BMAL2: variants seen among roughly 807,000 people sequenced by gnomAD.
The protein encoded by BMAL2 is basic helix-loop-helix ARNT like 2, also known as basic helix-loop-helix ARNT-like protein 2.
chr12:27,381,806 A>G, the BMAL2 span, among the ~76,000 whole-genome samples: 4 of 152,214 alleles, frequency 2.6e-5, no homozygotes, highest in Non-Finnish European at 4.4e-5. Context: ...CCAAGCAGCA[A>G]GCTGAAGACT....
the BMAL2 span, among the ~76,000 whole-genome samples, chr12:27,372,438 G>A: frequency 1.3e-5 from 2 of 152,056 alleles, no homozygotes; most frequent in African/African-American, 4.8e-5. Context: ...CCACTTTTTG[G>A]CTATTGTGAG....
the BMAL2 span, among the ~76,000 whole-genome samples, chr12:27,407,897 A>G: frequency 6.6e-6 from 1 of 152,204 alleles, no homozygotes; most frequent in South Asian, 2.1e-4. Flanking sequence ...TGCAATAAAA[A>G]ATGATAAAAG....
the BMAL2 span, among the ~76,000 whole-genome samples, chr12:27,411,393 G>A: frequency 1.3e-5 from 2 of 151,976 alleles, no homozygotes; most frequent in Non-Finnish European, 2.9e-5. Context: ...CAAGGTAGAG[G>A]ATCACTTGAG....
At chr12:27,350,882 G>A in the BMAL2 span, among the ~76,000 whole-genome samples, 4 of 151,884 alleles carry the variant, frequency 2.6e-5, no homozygotes, top group African/African-American at 9.7e-5. Context: ...AGTTCACTGT[G>A]TTGGCCAGGC....
chr12:27,411,429 C>T, the BMAL2 span, among the ~76,000 whole-genome samples: 1 of 151,424 alleles, frequency 6.6e-6, no homozygotes, highest in Non-Finnish European at 1.5e-5. Flanking sequence ...CCATCCTGGG[C>T]AACATATCGA....
chr12:27,389,988 T>G, the BMAL2 span: 3 of 1,365,054 alleles, frequency 2.2e-6, no homozygotes, highest in Non-Finnish European at 3.0e-6. Flanking sequence ...TTTAAAAAAC[T>G]GTTTCCTTTC....
At chr12:27,372,446 G>A in the BMAL2 span, among the ~76,000 whole-genome samples, 1 of 152,102 alleles carries the variant, frequency 6.6e-6, no homozygotes, top group African/African-American at 2.4e-5. Context: ...TGGCTATTGT[G>A]AGTAATGCTA....
the BMAL2 span, chr12:27,389,963 C>A: frequency 9.6e-7 from 1 of 1,038,826 alleles, no homozygotes; most frequent in Non-Finnish European, 1.4e-6. Context: ...GTTTACTGTA[C>A]AATCATGCCA....
chr12:27,418,546 A>G, the BMAL2 span, among the ~76,000 whole-genome samples: 3 of 152,122 alleles, frequency 2.0e-5, no homozygotes, highest in Non-Finnish European at 4.4e-5. Context: ...TCAAGGCTGC[A>G]GTGAGCTGTA....
At chr12:27,390,606 C>G in the BMAL2 span, 1 of 168,064 alleles carries the variant, frequency 6.0e-6, no homozygotes, top group Non-Finnish European at 1.3e-5. Context: ...AGTACAAGAG[C>G]CTGATTTGAC....
At chr12:27,409,400 T>C in the BMAL2 span, among the ~76,000 whole-genome samples, 3 of 152,090 alleles carry the variant, frequency 2.0e-5, no homozygotes, top group Non-Finnish European at 2.9e-5. Flanking sequence ...AACAGAGATA[T>C]AGACCAATGG....
At chr12:27,374,270 G>GA in the BMAL2 span, among the ~76,000 whole-genome samples, 10 of 145,034 alleles carry the variant, frequency 6.9e-5, no homozygotes, top group African/African-American at 1.3e-4. Context: ...AAAATATCCA[G>GA]AAAAAAAAAA....
At chr12:27,334,744 T>G in the BMAL2 span, among the ~76,000 whole-genome samples, 1 of 152,240 alleles carries the variant, frequency 6.6e-6, no homozygotes, top group African/African-American at 2.4e-5. Flanking sequence ...AAATTAAATT[T>G]TCTTAATTAA....
chr12:27,358,108 T>C, the BMAL2 span, among the ~76,000 whole-genome samples: 4 of 152,026 alleles, frequency 2.6e-5, no homozygotes, highest in Admixed American at 6.6e-5. Flanking sequence ...GCAGAGTTGA[T>C]AGACAACCCA....
chr12:27,364,294 C>T, the BMAL2 span, among the ~76,000 whole-genome samples: 2 of 152,138 alleles, frequency 1.3e-5, no homozygotes, highest in Non-Finnish European at 2.9e-5. Context: ...CAAAAGTTTT[C>T]TGTATTCTGT....
the BMAL2 span, among the ~76,000 whole-genome samples, chr12:27,379,162 A>G: frequency 2.0e-5 from 3 of 152,222 alleles, no homozygotes; most frequent in Non-Finnish European, 2.9e-5. Context: ...ACCTACCAAG[A>G]TAAACCCTAT....
the BMAL2 span, among the ~76,000 whole-genome samples, chr12:27,365,297 T>G: frequency 6.6e-6 from 1 of 152,128 alleles, no homozygotes; most frequent in South Asian, 2.1e-4. Context: ...ATTACTAATA[T>G]GAAGGCACTC....
the BMAL2 span, among the ~76,000 whole-genome samples, chr12:27,353,649 G>A: frequency 6.6e-6 from 1 of 151,936 alleles, no homozygotes; most frequent in Non-Finnish European, 1.5e-5. Flanking sequence ...TACAGAATGG[G>A]AGAAAATATT....
the BMAL2 span, among the ~76,000 whole-genome samples, chr12:27,410,099 G>T: frequency 4.0e-5 from 6 of 151,184 alleles, no homozygotes; most frequent in Admixed American, 2.6e-4. Flanking sequence ...GAAACAACAG[G>T]TGCTGGAGAG....
Sources: allele counts gnomAD v4.1 joint callset (sites outside exome capture counted in the v4.1 genomes callset), GRCh38; gene constraint gnomAD v4.1.1; transcripts MANE v1.5; gene names NCBI Gene and HGNC (gene_info 2026-07-23, HGNC 2026-07-21).